UBE2E3: variants seen among roughly 807,000 people sequenced by gnomAD.
UBE2E3 encodes ubiquitin conjugating enzyme E2 E3.
Under a neutral mutation model 23.6 loss-of-function variants are expected in UBE2E3, and 5 were observed. That is an observed-to-expected ratio of 0.21 (90% CI 0.11 to 0.44). The LOEUF is 0.44. Ranked by LOEUF, UBE2E3 falls within the 20% of genes least tolerant of loss-of-function variation. The probability of loss-of-function intolerance (pLI) is 0.99; values close to 1 mark genes in which losing one functional copy is unlikely to be tolerated. For synonymous variants in UBE2E3, 78 were observed against 87.5 expected, an observed-to-expected ratio of 0.89 and a Z score of 0.60; for missense variants, 81 against 249.8, an observed-to-expected ratio of 0.32 and a Z score of 4.55.
chr2:181,045,037 T>C (rs1027620833), intron 3 of UBE2E3, among the ~76,000 whole-genome samples: 2 of 152,198 alleles, frequency 1.3e-5, no homozygotes, highest in Admixed American at 1.3e-4. Context: ...CTTGTGTTTA[T>C]GCTTTTACGT....
Position 181,062,788 on chromosome 2 carries a change from C to T in UBE2E3, c.527-3C>T, listed in dbSNP as rs769160261. 6.9e-6 allele frequency: 11 copies of T among 1,588,336 alleles called. No homozygotes were observed. The highest frequency in any genetic ancestry group is 1.7e-6 in the Non-Finnish European group (2 of 1,162,636). On this transcript the variant is annotated splice_polypyrimidine_tract_variant and splice_region_variant and intron_variant, in intron 5 of 5. Transcript: ENST00000410062. ...GCTTTTAATGTTCTTTCTGCTTTTC[C>T]AGCGGATCCTCTGGTTGGAAGCATA...
intron 3 of UBE2E3, among the ~76,000 whole-genome samples, chr2:181,034,781 A>C (rs1186939110): frequency 1.3e-5 from 2 of 152,196 alleles, no homozygotes; most frequent in Non-Finnish European, 2.9e-5. Context: ...ATTTCTATTT[A>C]TATTCAGGTT....
At chr2:181,031,491 TACC>T (rs1440554838) in intron 3 of UBE2E3, among the ~76,000 whole-genome samples, 1 of 152,202 alleles carries the variant, frequency 6.6e-6, no homozygotes, top group Non-Finnish European at 1.5e-5. Context: ...CATTTTAAAG[TACC>T]ACATTACTCT....
At chr2:181,007,686 A>T (rs1343401659) in intron 3 of UBE2E3, among the ~76,000 whole-genome samples, 1 of 152,028 alleles carries the variant, frequency 6.6e-6, no homozygotes, top group Non-Finnish European at 1.5e-5. Context: ...AAGACTGTGG[A>T]GGGGGCCCAA....
At chr2:181,039,690 CAAT>C (rs377466594) in intron 3 of UBE2E3, among the ~76,000 whole-genome samples, 74 of 152,176 alleles carry the variant, frequency 4.9e-4, no homozygotes, top group African/African-American at 1.7e-3. Context: ...AAATTCATCT[CAAT>C]AATTTTATAA....
chr2:181,060,860 GCTTT>G, intron 5 of UBE2E3, 48 bp downstream of exon 5: 5 of 327,138 alleles, frequency 1.5e-5, no homozygotes, highest in South Asian at 1.3e-4. Flanking sequence ...AAAAACGAGT[GCTTT>G]TTTTTTTTTT....
intron 3 of UBE2E3, among the ~76,000 whole-genome samples, chr2:181,025,287 T>G (rs1349997898): frequency 1.3e-5 from 2 of 151,992 alleles, no homozygotes; most frequent in Non-Finnish European, 2.9e-5. Flanking sequence ...CTCTTAACAT[T>G]TAAGACAATG....
At chr2:181,048,659 C>T (rs1433782896) in intron 3 of UBE2E3, among the ~76,000 whole-genome samples, 1 of 126,216 alleles carries the variant, frequency 7.9e-6, no homozygotes, top group Non-Finnish European at 1.8e-5. Context: ...TCCTCTCACC[C>T]TAATTGTCTG....
chr2:181,020,386 A>G (rs2105623498), intron 3 of UBE2E3, among the ~76,000 whole-genome samples: 1 of 152,304 alleles, frequency 6.6e-6, no homozygotes. Flanking sequence ...ATACTCTGGT[A>G]TAACCTCATC....
chr2:180,981,766 T>G (rs1430192515), intron 1 of UBE2E3, among the ~76,000 whole-genome samples: 4 of 152,190 alleles, frequency 2.6e-5, no homozygotes, highest in Non-Finnish European at 5.9e-5. Flanking sequence ...AAGTAGACAA[T>G]TGATAGATTG....
At chr2:181,028,527 A>C (rs761808316) in intron 3 of UBE2E3, among the ~76,000 whole-genome samples, 1 of 152,134 alleles carries the variant, frequency 6.6e-6, no homozygotes, top group Non-Finnish European at 1.5e-5. Flanking sequence ...GCAAAGTGCA[A>C]TAGTTCTCTT....
At chr2:181,017,004 CTGAT>C (rs1305569560) in intron 3 of UBE2E3, among the ~76,000 whole-genome samples, 2 of 152,168 alleles carry the variant, frequency 1.3e-5, no homozygotes, top group East Asian at 3.8e-4. Context: ...TTGATCCCAT[CTGAT>C]TGAGAACTTT....
chr2:180,989,550 C>CA (rs1370298353), intron 3 of UBE2E3, among the ~76,000 whole-genome samples: 36 of 152,100 alleles, frequency 2.4e-4, no homozygotes, highest in African/African-American at 8.7e-4. Flanking sequence ...AATTGATACT[C>CA]ACAGTAGGCC....
chr2:180,982,488 A>G (rs918841416), intron 2 of UBE2E3, among the ~76,000 whole-genome samples: 2 of 152,194 alleles, frequency 1.3e-5, no homozygotes, highest in Non-Finnish European at 2.9e-5. Context: ...GATTAGACTA[A>G]CATTCTGACA....
rs1308802075 is a variant in UBE2E3 at position 180,982,007 on chromosome 2, C to G, written c.-25-11C>G. The G allele has an allele frequency of 1.9e-6, 3 of 1,573,544 alleles. No individual in the cohort carries two copies. Among genetic ancestry groups the G allele is most frequent in the South Asian group, 1.2e-5 (1 of 86,326 alleles). On this transcript the variant is annotated splice_polypyrimidine_tract_variant and intron_variant, in intron 1 of 5. Coordinates refer to ENST00000410062, the MANE Select transcript of UBE2E3 (RefSeq NM_006357.4). The stretch of plus-strand genomic sequence containing the variant: ...CATTTTCTCCTCCTCCTCCCCTGTT[C>G]TCTTTAAAAGTTTTCCAAGAGATAA...
At chr2:181,041,032 G>A (rs183475244) in intron 3 of UBE2E3, among the ~76,000 whole-genome samples, 1,860 of 151,900 alleles carry the variant, frequency 0.012, 138 homozygotes, top group Admixed American at 0.11. Flanking sequence ...GGCGAATCAC[G>A]AGGTCAGGAG....
At chr2:180,990,357 G>A (rs1170034617) in intron 3 of UBE2E3, among the ~76,000 whole-genome samples, 1 of 152,180 alleles carries the variant, frequency 6.6e-6, no homozygotes, top group Non-Finnish European at 1.5e-5. Context: ...TAGTGCTGAA[G>A]TTGAGAGACC....
intron 3 of UBE2E3, among the ~76,000 whole-genome samples, chr2:181,047,612 G>GT (rs1263058544): frequency 2.6e-5 from 4 of 151,904 alleles, no homozygotes; most frequent in East Asian, 1.9e-4. Flanking sequence ...ATTTCAAAAC[G>GT]TAAGTCTGGT....
At chr2:181,058,513 A>G (rs1480141042) in intron 4 of UBE2E3, among the ~76,000 whole-genome samples, 1 of 151,754 alleles carries the variant, frequency 6.6e-6, no homozygotes, top group African/African-American at 2.4e-5. Flanking sequence ...ACAATGGTCA[A>G]GTCAGCAGGT....
Sources: allele counts gnomAD v4.1 joint callset (sites outside exome capture counted in the v4.1 genomes callset), GRCh38; gene constraint gnomAD v4.1.1; transcripts MANE v1.5; gene names NCBI Gene and HGNC (gene_info 2026-07-23, HGNC 2026-07-21).